TIAM2: variants seen among roughly 807,000 people sequenced by gnomAD.
TIAM2 encodes TIAM Rac1 associated GEF 2.
TIAM2 carries 80 observed loss-of-function variants against 152.9 expected under a neutral mutation model. That is an observed-to-expected ratio of 0.52 (90% CI 0.44 to 0.63). The LOEUF is 0.63. Among genes scored for constraint, TIAM2 ranks in the 30% least tolerant of loss-of-function variants. The pLI, the probability that TIAM2 is intolerant of heterozygous loss-of-function variation, is 0.00. For missense variants in TIAM2, 1,965 were observed against 2,120.1 expected (o/e 0.93, Z 1.44); for synonymous variants, 804 against 838.0 (o/e 0.96, Z 0.70).
At position 155,186,423 on chromosome 6, in the gene TIAM2, C is replaced by T. The variant is rs546047949; in HGVS notation, c.3064+2923C>T. ...CATGGGCTTCCTGCCCTTCTTGCCT[C>T]ACTGTCCCTACCCCTTCCTTTGGGA... On this transcript the variant is annotated intron_variant, in intron 14 of 26. Coordinates refer to ENST00000682666, the MANE Select transcript of TIAM2 (RefSeq NM_012454.4). This position sits in a 1 kb window ranked among gnomAD's most constrained non-coding sequence, Gnocchi z 4.5. 2.6e-5 allele frequency among the ~76,000 whole-genome samples: 4 copies of T among 152,320 alleles called. No individual in the cohort carries two copies. In the Middle Eastern group the frequency reaches 0.01, roughly 389 times the overall value.
chr6:155,151,493 G>C (rs1779968555), intron 7 of TIAM2, among the ~76,000 whole-genome samples: 1 of 152,188 alleles, frequency 6.6e-6, no homozygotes, highest in African/African-American at 2.4e-5. Flanking sequence ...ATCACCTAAA[G>C]CATTAAGATT....
At chr6:155,247,909 A>G in intron 19 of TIAM2, 91 bp from the exon 20 acceptor site, 7 of 1,460,036 alleles carry the variant, frequency 4.8e-6, no homozygotes, top group Non-Finnish European at 6.5e-6. Flanking sequence ...AGGACTATAG[A>G]AATAGATGAT....
chr6:155,237,242 T>A (rs1400343004), intron 15 of TIAM2, among the ~76,000 whole-genome samples: 2 of 152,192 alleles, frequency 1.3e-5, no homozygotes, highest in African/African-American at 4.8e-5. Context: ...TCCAAAATGA[T>A]CTCCTTTGAC....
At chr6:155,071,132 C>T (rs529778375) in intron 1 of TIAM2, among the ~76,000 whole-genome samples, 4 of 152,122 alleles carry the variant, frequency 2.6e-5, no homozygotes, top group Non-Finnish European at 4.4e-5. Context: ...ATGATCACAC[C>T]ACTGCGCTCC....
intron 1 of TIAM2, among the ~76,000 whole-genome samples, chr6:155,083,348 CAAAAA>C (rs574203207): frequency 4.4e-5 from 4 of 89,930 alleles, no homozygotes; most frequent in African/African-American, 1.3e-4. Flanking sequence ...GACTTTATCT[CAAAAA>C]AAAAAAAAAA....
At chr6:155,203,807 C>T (rs1470150406) in intron 14 of TIAM2, among the ~76,000 whole-genome samples, 2 of 152,092 alleles carry the variant, frequency 1.3e-5, no homozygotes, top group Non-Finnish European at 1.5e-5. Context: ...TATATTTTAT[C>T]TTTCTTTGGG....
chr6:155,187,573 C>CCCTT (rs1189509294), intron 14 of TIAM2, among the ~76,000 whole-genome samples: 5 of 49,608 alleles, frequency 1.0e-4, no homozygotes, highest in Non-Finnish European at 1.1e-4. Flanking sequence ...ACCCCGCCCC[C>CCCTT]TTTTTTTTTT....
At chr6:155,054,837 G>A (rs185153256) in intron 1 of TIAM2, among the ~76,000 whole-genome samples, 12 of 152,288 alleles carry the variant, frequency 7.9e-5, no homozygotes, top group African/African-American at 2.9e-4. Flanking sequence ...TTCCAGGAGA[G>A]GACAGAATAT....
At chr6:155,016,533 GTAAATT>G (rs1778589567) in intron 1 of TIAM2, among the ~76,000 whole-genome samples, 2 of 138,844 alleles carry the variant, frequency 1.4e-5, no homozygotes, top group African/African-American at 2.6e-5. Context: ...CATTTAAATG[GTAAATT>G]TAAATTTAAA....
At chr6:155,140,945 G>A (rs1471951259) in intron 5 of TIAM2, among the ~76,000 whole-genome samples, 1 of 152,076 alleles carries the variant, frequency 6.6e-6, no homozygotes, top group African/African-American at 2.4e-5. Context: ...GCTTCTTGAG[G>A]GAAACTCAGG....
At chr6:155,088,951 A>G (rs756029118) in intron 1 of TIAM2, among the ~76,000 whole-genome samples, 1 of 152,208 alleles carries the variant, frequency 6.6e-6, no homozygotes, top group African/African-American at 2.4e-5. Context: ...CAAGGACTGC[A>G]TTCTGGGTTA....
intron 1 of TIAM2, among the ~76,000 whole-genome samples, chr6:155,078,447 G>A (rs890406137): frequency 4.5e-4 from 68 of 152,268 alleles, no homozygotes; most frequent in African/African-American, 1.6e-3. Flanking sequence ...CTCACGTCAC[G>A]CATGGGACCA....
intron 15 of TIAM2, among the ~76,000 whole-genome samples, chr6:155,221,126 G>GAAAA (rs11309755): frequency 9.2e-6 from 1 of 109,028 alleles, no homozygotes; most frequent in Admixed American, 9.9e-5. Context: ...TTTTTTTTTT[G>GAAAA]AAAAAAAAAA....
chr6:155,108,642 G>T (rs1044891364), intron 2 of TIAM2, among the ~76,000 whole-genome samples: 1 of 152,178 alleles, frequency 6.6e-6, no homozygotes, highest in Non-Finnish European at 1.5e-5. Flanking sequence ...CCTGCAGGAA[G>T]GATGCCTGGA....
intron 1 of TIAM2, among the ~76,000 whole-genome samples, chr6:155,002,673 T>TTTTTTTTATTTA (rs1562286542): frequency 6.7e-6 from 1 of 150,156 alleles, no homozygotes; most frequent in African/African-American, 2.4e-5. Flanking sequence ...GCTTTGCTTG[T>TTTTTTTTATTTA]TTTATTTATT....
Position 155,211,322 on chromosome 6 carries a change from C to A in TIAM2, c.3168+15C>A. ...AGACATTCAGGGTAAGATACTGGCCCAAATCGCAAACCAAGAACCAGGCAG... is the reference window on the plus strand; with the variant it reads ...AGACATTCAGGGTAAGATACTGGCCAAAATCGCAAACCAAGAACCAGGCAG... On this transcript the variant is annotated intron_variant, in intron 15 of 26. Coordinates refer to ENST00000682666, the MANE Select transcript of TIAM2 (RefSeq NM_012454.4). 6.2e-7 allele frequency: 1 copy of A among 1,608,304 alleles called. No homozygotes were observed. Among genetic ancestry groups the A allele is most frequent in the Non-Finnish European group, 8.5e-7 (1 of 1,175,486 alleles).
chr6:155,061,461 G>T (rs959072343), intron 1 of TIAM2, among the ~76,000 whole-genome samples: 4 of 150,926 alleles, frequency 2.7e-5, no homozygotes, highest in African/African-American at 9.9e-5. Context: ...TAGCCTTCCC[G>T]CTTTTCGTAT....
At chr6:155,028,334 A>ATGCTACATATAAT (rs1776675555) in intron 1 of TIAM2, among the ~76,000 whole-genome samples, 3 of 69,492 alleles carry the variant, frequency 4.3e-5, no homozygotes, top group African/African-American at 2.1e-4. Flanking sequence ...TACTACATAT[A>ATGCTACATATAAT]ATATATACTG....
chr6:155,190,322 C>T (rs1444238451), intron 14 of TIAM2, among the ~76,000 whole-genome samples: 1 of 152,210 alleles, frequency 6.6e-6, no homozygotes, highest in East Asian at 1.9e-4. Flanking sequence ...AATAAATATT[C>T]AGATGTTTTA....
Sources: allele counts gnomAD v4.1 joint callset (sites outside exome capture counted in the v4.1 genomes callset), GRCh38; gene constraint gnomAD v4.1.1; non-coding constraint Gnocchi (gnomAD v3.1); transcripts MANE v1.5; gene names NCBI Gene and HGNC (gene_info 2026-07-23, HGNC 2026-07-21).